The following PDE3A variants were observed in gnomAD, a reference collection of about 807,000 sequenced individuals.
PDE3A encodes cGMP-inhibited 3',5'-cyclic phosphodiesterase 3A.
A neutral mutation model predicts 98.3 loss-of-function variants in PDE3A; 43 were observed. That is an observed-to-expected ratio of 0.44 (90% CI 0.34 to 0.56). PDE3A has a LOEUF of 0.56. PDE3A is among the 20% of genes least tolerant of loss of function. The pLI is 0.01. For synonymous variants in PDE3A, 663 were observed against 567.9 expected, an observed-to-expected ratio of 1.17 and a Z score of -2.38; for missense variants, 1,427 against 1,440.7, an observed-to-expected ratio of 0.99 and a Z score of 0.15.
chr12:20,576,947 A>G (rs1942947502), intron 2 of PDE3A, among the ~76,000 whole-genome samples: 1 of 152,038 alleles, frequency 6.6e-6, no homozygotes, highest in Non-Finnish European at 1.5e-5. Context: ...TTTAAACTAA[A>G]CCAGGTGAGG....
intron 15 of PDE3A, 72 bp from the exon 16 acceptor site, chr12:20,679,958 A>T: frequency 1.1e-6 from 1 of 899,260 alleles, no homozygotes; most frequent in African/African-American, 1.9e-5. Context: ...TTATCTGAAA[A>T]GAGATAACGT....
intron 2 of PDE3A, 76 bp downstream of exon 2, chr12:20,556,786 GATA>G: frequency 9.3e-7 from 1 of 1,077,716 alleles, no homozygotes; most frequent in South Asian, 1.3e-5. Context: ...AAACTCAAGA[GATA>G]ATAAAATGTG....
chr12:20,476,683 G>A (rs1188668523), intron 1 of PDE3A, among the ~76,000 whole-genome samples: 1 of 152,146 alleles, frequency 6.6e-6, no homozygotes, highest in African/African-American at 2.4e-5. Flanking sequence ...AAGAAGAATG[G>A]ACTATGAATC....
chr12:20,469,190 C>G lies in PDE3A; in HGVS notation c.961-87470C>G, dbSNP rs376841162. Among the ~76,000 whole-genome samples, 726 of 152,088 alleles carry G rather than the reference C, an allele frequency of 4.8e-3. 3 individuals carry two copies. Among genetic ancestry groups the G allele is most frequent in the Admixed American group, 0.014 (217 of 15,284 alleles). On this transcript the variant is annotated intron_variant, in intron 1 of 15. Transcript: ENST00000359062. The stretch of plus-strand genomic sequence containing the variant: ...TGAGACATATTTGTTCATATTTAAC[C>G]CTTAAATACCTCTGAGCCATTCTTT...
intron 1 of PDE3A, among the ~76,000 whole-genome samples, chr12:20,522,045 G>A (rs1035290311): frequency 1.3e-5 from 2 of 152,070 alleles, no homozygotes; most frequent in Non-Finnish European, 2.9e-5. Flanking sequence ...GATGGGATGG[G>A]GTTTCAGATG....
At chr12:20,460,994 T>G (rs1482356363) in intron 1 of PDE3A, among the ~76,000 whole-genome samples, 1 of 152,170 alleles carries the variant, frequency 6.6e-6, no homozygotes, top group Non-Finnish European at 1.5e-5. Flanking sequence ...CTACAGTATT[T>G]CTTGAAATGT....
intron 2 of PDE3A, among the ~76,000 whole-genome samples, chr12:20,604,709 A>G (rs2121421073): frequency 6.6e-6 from 1 of 152,334 alleles, no homozygotes; most frequent in South Asian, 2.1e-4. Context: ...TCATAAAAAT[A>G]TGATATAAAT....
At chr12:20,556,554 A>G (rs1222026959) in intron 1 of PDE3A, 106 bp from the exon 2 acceptor site, 3 of 740,964 alleles carry the variant, frequency 4.0e-6, no homozygotes, top group African/African-American at 3.6e-5. Flanking sequence ...TATTTAATAT[A>G]TTACTAATAA....
chr12:20,422,867 T>G (rs781152010), intron 1 of PDE3A, among the ~76,000 whole-genome samples: 1 of 152,222 alleles, frequency 6.6e-6, no homozygotes, highest in Non-Finnish European at 1.5e-5. Context: ...GAGTTGTGAC[T>G]GTCAGAATCC....
In PDE3A at chr12:20,680,275, T is replaced by G; in HGVS notation, c.*4T>G. The G allele has an allele frequency of 1.2e-6, 2 of 1,613,404 alleles. No individual in the cohort carries two copies. The highest frequency in any genetic ancestry group is 1.1e-5 in the South Asian group (1 of 90,996). On this transcript the variant is annotated 3_prime_UTR_variant, in exon 16 of 16. Coordinates refer to ENST00000359062, the MANE Select transcript of PDE3A (RefSeq NM_000921.5). ...AACCCAAAAGCCAGACCAGTGACAATGGATAGAATGGGCTGTGTTTCCAAA... is the reference window on the plus strand; with the variant it reads ...AACCCAAAAGCCAGACCAGTGACAAGGGATAGAATGGGCTGTGTTTCCAAA...
At chr12:20,413,389 A>G (rs1944367247) in intron 1 of PDE3A, among the ~76,000 whole-genome samples, 1 of 152,134 alleles carries the variant, frequency 6.6e-6, no homozygotes, top group Non-Finnish European at 1.5e-5. Context: ...GCCTGAAGCC[A>G]TGGATCTTTG....
intron 1 of PDE3A, among the ~76,000 whole-genome samples, chr12:20,385,418 A>G (rs1327429819): frequency 4.6e-5 from 7 of 151,984 alleles, no homozygotes; most frequent in African/African-American, 1.7e-4. Flanking sequence ...ATACCATTTG[A>G]CCCAGCCATC....
intron 1 of PDE3A, among the ~76,000 whole-genome samples, chr12:20,519,794 G>A (rs1267037567): frequency 6.6e-6 from 1 of 152,172 alleles, no homozygotes; most frequent in Non-Finnish European, 1.5e-5. Flanking sequence ...AGGCACATCA[G>A]AGAAGGAAGG....
chr12:20,613,186 T>C (rs1031798897), intron 2 of PDE3A, among the ~76,000 whole-genome samples: 1 of 152,100 alleles, frequency 6.6e-6, no homozygotes, highest in Non-Finnish European at 1.5e-5. Context: ...TAAAAACTAG[T>C]GTTCATCTTT....
At chr12:20,411,783 A>G (rs1944337083) in intron 1 of PDE3A, among the ~76,000 whole-genome samples, 1 of 152,196 alleles carries the variant, frequency 6.6e-6, no homozygotes, top group African/African-American at 2.4e-5. Flanking sequence ...TAAAAACATT[A>G]CACATTTTCA....
Position 20,376,338 on chromosome 12 carries a change from T to C in PDE3A, c.960+6094T>C, listed in dbSNP as rs189630777. On this transcript the variant is annotated intron_variant, in intron 1 of 15. Transcript: ENST00000359062. ...TTCCTCTTTGACTTGACTGTGCTAC[T>C]GAGGAAACAGTAGGAAAGGAGTCAG... is the stretch of plus-strand genomic sequence containing the variant. 1.2e-3 allele frequency among the ~76,000 whole-genome samples: 182 copies of C among 152,056 alleles called. 2 individuals carry two copies. The highest frequency in any genetic ancestry group is 0.011 in the Admixed American group (173 of 15,256).
At position 20,485,628 on chromosome 12, in the gene PDE3A, ACT is replaced by A. The variant is rs147727527; in HGVS notation, c.961-71027_961-71026del. Among the ~76,000 whole-genome samples, 247 of 152,114 alleles carry A rather than the reference ACT, an allele frequency of 1.6e-3. 2 individuals carry two copies. The highest frequency in any genetic ancestry group is 5.5e-3 in the African/African-American group (227 of 41,504). ...AAAATGGACTGAGATTTCATAATGAACTCTCTGCTGATATTGACATGAAAACT... is the reference window on the plus strand; with the variant it reads ...AAAATGGACTGAGATTTCATAATGAACTCTGCTGATATTGACATGAAAACT... On this transcript the variant is annotated intron_variant, in intron 1 of 15. Coordinates refer to ENST00000359062, the MANE Select transcript of PDE3A (RefSeq NM_000921.5).
At chr12:20,678,591 T>A (rs1945695728) in intron 15 of PDE3A, among the ~76,000 whole-genome samples, 3 of 152,254 alleles carry the variant, frequency 2.0e-5, no homozygotes, top group African/African-American at 7.2e-5. Context: ...TACTTGTTCC[T>A]GCGTTTGTCT....
intron 1 of PDE3A, among the ~76,000 whole-genome samples, chr12:20,416,860 G>C (rs149855183): frequency 8.5e-5 from 13 of 152,110 alleles, no homozygotes; most frequent in Non-Finnish European, 1.9e-4. Context: ...TTTAGGAACA[G>C]ATACTTTGTA....
Sources: gnomAD v4.1 joint callset for allele counts (sites outside exome capture counted in the v4.1 genomes callset) on GRCh38, gnomAD v4.1.1 for gene constraint, MANE v1.5 for transcripts, NCBI Gene and HGNC (gene_info 2026-07-23, HGNC 2026-07-21) for gene names.